The following MCFD2 variants were observed in gnomAD, a reference collection of about 807,000 sequenced individuals.
MCFD2 encodes multiple coagulation factor deficiency protein 2.
Under a neutral mutation model 12.8 loss-of-function variants are expected in MCFD2, and 11 were observed. That is an observed-to-expected ratio of 0.86 (90% CI 0.54 to 1.42). The LOEUF is 1.42. Among genes scored for constraint, MCFD2 ranks in the 40% most tolerant of loss-of-function variants. The pLI, the probability that MCFD2 is intolerant of heterozygous loss-of-function variation, is 0.00. For synonymous variants in MCFD2, 70 were observed against 68.1 expected, an observed-to-expected ratio of 1.03 and a Z score of -0.14; for missense variants, 191 against 178.6, an observed-to-expected ratio of 1.07 and a Z score of -0.40.
intron 1 of MCFD2, among the ~76,000 whole-genome samples, chr2:46,922,736 G>A (rs185947525): frequency 2.2e-4 from 33 of 152,244 alleles, no homozygotes; most frequent in African/African-American, 5.8e-4. Flanking sequence ...AATGTGGGGA[G>A]GGGCGGGGGG....
rs1354940540 is a variant in MCFD2, at chr2:46,905,453, CA to C, written c.*9del. The stretch of plus-strand genomic sequence containing the variant: ...CATTTGTATATAACCAGGAGATGGC[CA>C]AATAACATCTACTGCAGTGATTTTG... On this transcript the variant is annotated 3_prime_UTR_variant, in exon 4 of 4. Transcript: ENST00000319466. The C allele has an allele frequency of 6.2e-7, 1 of 1,611,838 alleles. No individual in the cohort carries two copies. Among genetic ancestry groups the C allele is most frequent in the Admixed American group, 1.7e-5 (1 of 59,996 alleles).
chr2:46,927,990 C>T (rs141547102), intron 1 of MCFD2, among the ~76,000 whole-genome samples: 6,114 of 142,750 alleles, frequency 0.043, 161 homozygotes, highest in Middle Eastern at 0.098. Flanking sequence ...ACTTCCTGGG[C>T]TCAAGTGATC....
In MCFD2 at chr2:46,908,935, G is replaced by A. The variant is rs537144327; in HGVS notation, c.149+88C>T. On this transcript the variant is annotated intron_variant, in intron 2 of 3. Coordinates refer to ENST00000319466, the MANE Select transcript of MCFD2 (RefSeq NM_139279.6). The surrounding 1 kb of genome is among the most constrained non-coding windows in gnomAD (Gnocchi z 4.5). ...CAAGGAGCCATAGAAACAGGAAGAA[G>A]GAAAGGAGGACTGAGCATGCCCTTG... is the stretch of plus-strand genomic sequence containing the variant. The A allele has an allele frequency of 2.0e-4, 308 of 1,531,624 alleles. 1 individual carries two copies. The African/African-American group carries it at 3.8e-3, about 19-fold the overall frequency. The allele number at this position is 1,531,624 out of a possible 1,614,324, so 94.9% of individuals were successfully genotyped here.
rs1668130140 is a variant in MCFD2, at chr2:46,904,332, G to C, written c.*1131C>G. The C allele has an allele frequency of 6.7e-6, 1 of 150,186 alleles. No individual in the cohort carries two copies. The highest frequency in any genetic ancestry group is 2.7e-5 in the African/African-American group (1 of 37,574). The allele number at this position is 150,186 out of a possible 1,614,324, so 9.3% of individuals were successfully genotyped here. On this transcript the variant is annotated 3_prime_UTR_variant, in exon 4 of 4. Transcript: ENST00000319466. ...ACTGCCTAGTGGAGCTGTGAGAAGA[G>C]GGCCACCGTCCTCCAGACCCCAGAA...
chr2:46,908,292 ACT>A lies in MCFD2; in HGVS notation c.150-325_150-324del. ...TTTTTTTTTTTTGAGACAGGGTCTC[ACT>A]CTGCCACCCAGGCTGGAGTGCAGGA... is the stretch of plus-strand genomic sequence containing the variant. On this transcript the variant is annotated intron_variant, in intron 2 of 3. Coordinates refer to ENST00000319466, the MANE Select transcript of MCFD2 (RefSeq NM_139279.6). The surrounding 1 kb of genome is among the most constrained non-coding windows in gnomAD (Gnocchi z 4.5). The A allele has an allele frequency of 2.7e-6, 1 of 365,920 alleles. No homozygotes were observed. Among genetic ancestry groups the A allele is most frequent in the South Asian group, 2.2e-5 (1 of 44,684 alleles). The allele number at this position is 365,920 out of a possible 1,614,324, so 22.7% of individuals were successfully genotyped here. A position where few individuals can be genotyped will look rare whatever the true frequency, so the allele number is the denominator to read the frequency against.
intron 1 of MCFD2, among the ~76,000 whole-genome samples, chr2:46,930,433 A>AG (rs1267861893): frequency 6.8e-6 from 1 of 147,474 alleles, no homozygotes; most frequent in East Asian, 1.9e-4. Flanking sequence ...ACGTATTCCT[A>AG]GGAAAAAAAA....
intron 1 of MCFD2, among the ~76,000 whole-genome samples, chr2:46,924,679 C>T (rs193278784): frequency 1.7e-4 from 26 of 151,980 alleles, no homozygotes; most frequent in African/African-American, 5.5e-4. Context: ...CTGGCTGGAG[C>T]GCAGTGGTGC....
At chr2:46,938,909 G>A (rs1368874266) in intron 1 of MCFD2, among the ~76,000 whole-genome samples, 1 of 151,908 alleles carries the variant, frequency 6.6e-6, no homozygotes, top group Non-Finnish European at 1.5e-5. Flanking sequence ...TACTCGGGAG[G>A]CTAAGGCAGG....
intron 3 of MCFD2, chr2:46,906,088 G>A (rs1668220430): frequency 4.4e-6 from 2 of 451,724 alleles, no homozygotes; most frequent in South Asian, 3.2e-5. Context: ...TGAGGAGAAA[G>A]TATTTCCCAT....
At chr2:46,905,940 A>G (rs1378226717) in intron 3 of MCFD2, 1 of 479,232 alleles carries the variant, frequency 2.1e-6, no homozygotes, top group Non-Finnish European at 4.3e-6. Context: ...TTAATTGGAA[A>G]AGTGCCAGTC....
At chr2:46,912,014 C>T (rs1313528703) in intron 1 of MCFD2, among the ~76,000 whole-genome samples, 1 of 152,182 alleles carries the variant, frequency 6.6e-6, no homozygotes. Context: ...CAGTCAGAAA[C>T]TACACTTCCA....
upstream of MCFD2, among the ~76,000 whole-genome samples, chr2:46,916,824 G>A (rs538856564): frequency 3.3e-5 from 5 of 151,982 alleles, no homozygotes; most frequent in East Asian, 1.9e-4. Context: ...TAGTAGAGAC[G>A]GGGTTTCACC....
chr2:46,915,554 G>A (rs569226711), intron 1 of MCFD2, among the ~76,000 whole-genome samples, 169 bp downstream of exon 1: 5 of 152,268 alleles, frequency 3.3e-5, no homozygotes, highest in African/African-American at 1.2e-4. Context: ...ACAGGCTTCC[G>A]CCCCGGGAGA....
intron 1 of MCFD2, among the ~76,000 whole-genome samples, chr2:46,929,744 G>A (rs1228815507): frequency 3.3e-5 from 5 of 152,186 alleles, no homozygotes; most frequent in African/African-American, 1.2e-4. Context: ...GATATGGGAT[G>A]CTATATTATT....
Position 46,927,598 on chromosome 2 carries a change from G to C in MCFD2, c.-8+13974C>G, listed in dbSNP as rs1669457350. Among the ~76,000 whole-genome samples, 3 of 151,986 alleles carry C rather than the reference G, an allele frequency of 2.0e-5. No homozygotes were observed. In the South Asian group the frequency reaches 6.2e-4, roughly 32 times the overall value. On this transcript the variant is annotated intron_variant, in intron 1 of 2. Transcript: ENST00000409147. ...GATGGTCTCAATCTCCTGACCTCGT[G>C]ATCTGCTCTCCTCGGCCTCCCAAAG...
At chr2:46,938,352 A>G (rs772207061) in intron 1 of MCFD2, among the ~76,000 whole-genome samples, 2 of 151,880 alleles carry the variant, frequency 1.3e-5, no homozygotes, top group African/African-American at 2.4e-5. Flanking sequence ...TTTTTCCTTA[A>G]TATCAGTAAA....
rs529211063 is a variant in MCFD2 at position 46,928,232 on chromosome 2, G to A, written c.-8+13340C>T. On this transcript the variant is annotated intron_variant, in intron 1 of 2. Transcript: ENST00000409147. ...CTTTCTGCATAACAAATTACTACCAGTTTTGCAGCTTAAAATAACACCCAT... is the reference window on the plus strand; with the variant it reads ...CTTTCTGCATAACAAATTACTACCAATTTTGCAGCTTAAAATAACACCCAT... Among the ~76,000 whole-genome samples, 97 of 151,776 alleles carry A rather than the reference G, an allele frequency of 6.4e-4. 1 individual carries two copies. Among genetic ancestry groups the A allele is most frequent in the African/African-American group, 2.3e-3 (95 of 41,408 alleles).
intron 1 of MCFD2, among the ~76,000 whole-genome samples, chr2:46,931,539 G>T (rs1429017138): frequency 6.6e-6 from 1 of 152,122 alleles, no homozygotes; most frequent in Non-Finnish European, 1.5e-5. Flanking sequence ...CAGAGTAGAG[G>T]TGCCCATGGA....
chr2:46,909,743 G>A (rs562307444), intron 1 of MCFD2, among the ~76,000 whole-genome samples: 1 of 152,322 alleles, frequency 6.6e-6, no homozygotes, highest in East Asian at 1.9e-4. Context: ...CAGCTGGGCT[G>A]CAGCCTAGAG....
Sources: gnomAD v4.1 joint callset for allele counts (sites outside exome capture counted in the v4.1 genomes callset) on GRCh38, gnomAD v4.1.1 for gene constraint, Gnocchi (gnomAD v3.1) non-coding constraint, MANE v1.5 for transcripts, NCBI Gene and HGNC (gene_info 2026-07-23, HGNC 2026-07-21) for gene names.